Variants in GALNTL6 observed in about 807,000 individuals in gnomAD.
GALNTL6 encodes the protein polypeptide N-acetylgalactosaminyltransferase-like 6.
A neutral mutation model predicts 73.7 loss-of-function variants in GALNTL6; 46 were observed. The observed-to-expected ratio is 0.62, with a 90% CI of 0.49 to 0.80. The LOEUF (loss-of-function observed/expected upper bound fraction) is 0.80. GALNTL6 is among the 30% of genes least tolerant of loss of function. The pLI, the probability that GALNTL6 is intolerant of heterozygous loss-of-function variation, is 0.00. For synonymous variants in GALNTL6, 259 were observed against 263.7 expected, an observed-to-expected ratio of 0.98 and a Z score of 0.17; for missense variants, 604 against 755.0, an observed-to-expected ratio of 0.80 and a Z score of 2.34.
rs1737763262 is a variant in GALNTL6 at position 172,756,572 on chromosome 4, A to G, written c.554-52789A>G. Reference sequence around the variant, plus strand: ...AAGCAGGAGAATCGCTTGAACCCAGAAGGCCGAAGTTGCAGTGAGCCAAGA... The same window carrying G: ...AAGCAGGAGAATCGCTTGAACCCAGGAGGCCGAAGTTGCAGTGAGCCAAGA... On this transcript the variant is annotated intron_variant, in intron 5 of 12. Transcript: ENST00000506823. 2.6e-5 allele frequency among the ~76,000 whole-genome samples: 4 copies of G among 152,104 alleles called. No individual in the cohort carries two copies. In the South Asian group the frequency reaches 6.2e-4, roughly 24 times the overall value.
chr4:172,446,061 TAAA>T (rs1206047330), intron 5 of GALNTL6, among the ~76,000 whole-genome samples: 1 of 152,024 alleles, frequency 6.6e-6, no homozygotes, highest in Non-Finnish European at 1.5e-5. Flanking sequence ...CCTATCAAAA[TAAA>T]AACAAAAGCA....
chr4:172,129,219 A>G (rs1231335206), intron 2 of GALNTL6, among the ~76,000 whole-genome samples: 1 of 152,220 alleles, frequency 6.6e-6, no homozygotes, highest in Non-Finnish European at 1.5e-5. Context: ...TTATCTTAAT[A>G]CAAATAAAAA....
chr4:172,579,988 C>A (rs1417759175), intron 5 of GALNTL6, among the ~76,000 whole-genome samples: 1 of 151,998 alleles, frequency 6.6e-6, no homozygotes, highest in Non-Finnish European at 1.5e-5. Context: ...ACATATATGA[C>A]CTGAAAAATC....
At chr4:172,006,671 C>T (rs149999610) in intron 2 of GALNTL6, among the ~76,000 whole-genome samples, 24 of 151,836 alleles carry the variant, frequency 1.6e-4, no homozygotes, top group African/African-American at 5.1e-4. Flanking sequence ...CTTGATGCAA[C>T]AATTGAAGTA....
chr4:172,720,204 G>A (rs534076099), intron 5 of GALNTL6, among the ~76,000 whole-genome samples: 7 of 152,218 alleles, frequency 4.6e-5, no homozygotes, highest in Admixed American at 2.0e-4. Flanking sequence ...GCTAATGACG[G>A]GGTCCTTGTC....
chr4:172,213,558 A>G (rs558434336), intron 2 of GALNTL6, among the ~76,000 whole-genome samples: 1 of 152,328 alleles, frequency 6.6e-6, no homozygotes, highest in East Asian at 1.9e-4. Context: ...GCATTTGTAT[A>G]TCTTCTTTGA....
intron 2 of GALNTL6, among the ~76,000 whole-genome samples, chr4:172,198,429 C>G (rs1466128617): frequency 1.3e-5 from 2 of 151,152 alleles, no homozygotes; most frequent in Non-Finnish European, 2.9e-5. Flanking sequence ...AAAAAAAGAC[C>G]CCATTAAAAA....
Position 172,873,363 on chromosome 4 carries a change from G to C in GALNTL6, c.924-9427G>C, listed in dbSNP as rs928094422. The stretch of plus-strand genomic sequence containing the variant: ...CTCTCACGATAACTCAGAGCTAAAA[G>C]ATCAAATGTTCCAACAAACAAGACA... On this transcript the variant is annotated intron_variant, in intron 7 of 12. Transcript: ENST00000506823. Among the ~76,000 whole-genome samples, 3 of 152,176 alleles carry C rather than the reference G, an allele frequency of 2.0e-5. No individual in the cohort carries two copies. In the East Asian group the frequency reaches 5.8e-4, roughly 29 times the overall value.
intron 3 of GALNTL6, among the ~76,000 whole-genome samples, chr4:172,247,798 A>T (rs1305195025): frequency 6.6e-6 from 1 of 152,220 alleles, no homozygotes; most frequent in Non-Finnish European, 1.5e-5. Flanking sequence ...CTTAGGTTAA[A>T]ATAAGTAGTC....
At chr4:172,045,822 G>A (rs1313786714) in intron 2 of GALNTL6, among the ~76,000 whole-genome samples, 1 of 151,560 alleles carries the variant, frequency 6.6e-6, no homozygotes, top group African/African-American at 2.4e-5. Flanking sequence ...CTGAGATATG[G>A]TACACTTTGA....
rs373185050 is a variant in GALNTL6 at position 172,733,298 on chromosome 4, A to C, written c.554-76063A>C. Reference sequence around the variant, plus strand: ...CTCTTGAGAAGCCTGTTGCCAAACTAATTGTAGCTCCCTTATATATTACTT... The same window carrying C: ...CTCTTGAGAAGCCTGTTGCCAAACTCATTGTAGCTCCCTTATATATTACTT... On this transcript the variant is annotated intron_variant, in intron 5 of 12. Coordinates refer to ENST00000506823, the MANE Select transcript of GALNTL6 (RefSeq NM_001034845.3). Among the ~76,000 whole-genome samples, 16 of 152,276 alleles carry C rather than the reference A, an allele frequency of 1.1e-4. No homozygotes were observed. The East Asian group carries it at 1.5e-3, about 15-fold the overall frequency.
chr4:172,129,884 G>A (rs879047289), intron 2 of GALNTL6, among the ~76,000 whole-genome samples: 2 of 152,178 alleles, frequency 1.3e-5, no homozygotes, highest in African/African-American at 4.8e-5. Flanking sequence ...CAATTTGTCT[G>A]AGGGGATCTC....
At chr4:172,697,178 A>G (rs1291408778) in intron 5 of GALNTL6, among the ~76,000 whole-genome samples, 1 of 152,226 alleles carries the variant, frequency 6.6e-6, no homozygotes, top group Non-Finnish European at 1.5e-5. Context: ...AAAAATAAAA[A>G]TAAGATATCC....
intron 5 of GALNTL6, among the ~76,000 whole-genome samples, chr4:172,457,164 T>C (rs1732427871): frequency 6.6e-6 from 1 of 151,742 alleles, no homozygotes. Context: ...AGAGATTTTG[T>C]CACCACCAGG....
chr4:172,488,451 G>A (rs764856734), intron 5 of GALNTL6, among the ~76,000 whole-genome samples: 8 of 152,148 alleles, frequency 5.3e-5, no homozygotes, highest in South Asian at 2.1e-4. Flanking sequence ...ATACATCTGC[G>A]GGTAGCTGCT....
At chr4:172,832,155 G>A (rs1254656268) in intron 7 of GALNTL6, among the ~76,000 whole-genome samples, 4 of 152,200 alleles carry the variant, frequency 2.6e-5, no homozygotes, top group East Asian at 3.9e-4. Flanking sequence ...TGGGCTTCTC[G>A]GTAAAACAAA....
chr4:172,491,904 A>C (rs374678253), intron 5 of GALNTL6, among the ~76,000 whole-genome samples: 1 of 152,306 alleles, frequency 6.6e-6, no homozygotes, highest in African/African-American at 2.4e-5. Flanking sequence ...TAAGCATTTT[A>C]ATGTTAGAGC....
intron 5 of GALNTL6, among the ~76,000 whole-genome samples, chr4:172,677,972 C>T (rs1732401988): frequency 6.6e-6 from 1 of 152,140 alleles, no homozygotes; most frequent in South Asian, 2.1e-4. Flanking sequence ...ATTTAAGGAG[C>T]TTCTATACAA....
intron 10 of GALNTL6, among the ~76,000 whole-genome samples, chr4:172,994,239 G>A (rs1445506195): frequency 6.6e-6 from 1 of 152,080 alleles, no homozygotes; most frequent in African/African-American, 2.4e-5. Flanking sequence ...TTTTTTTATA[G>A]AAAATATCAA....
Sources: gnomAD v4.1 joint callset for allele counts (sites outside exome capture counted in the v4.1 genomes callset) on GRCh38, gnomAD v4.1.1 for gene constraint, MANE v1.5 for transcripts, NCBI Gene and HGNC (gene_info 2026-07-23, HGNC 2026-07-21) for gene names.